TMEM178B: variants seen among roughly 807,000 people sequenced by gnomAD.
TMEM178B encodes transmembrane protein 178B.
Under a neutral mutation model 31.0 loss-of-function variants are expected in TMEM178B, and 5 were observed. The observed-to-expected ratio is 0.16, with a 90% CI of 0.08 to 0.34. TMEM178B has a LOEUF of 0.34. TMEM178B is among the 10% of genes least tolerant of loss of function. The pLI is 1.00. For synonymous variants in TMEM178B, 164 were observed against 164.0 expected, an observed-to-expected ratio of 1.00 and a Z score of 0.00; for missense variants, 275 against 400.3, an observed-to-expected ratio of 0.69 and a Z score of 2.67.
intron 1 of TMEM178B, among the ~76,000 whole-genome samples, chr7:141,126,278 C>T (rs1383064100): frequency 1.3e-5 from 2 of 152,050 alleles, no homozygotes; most frequent in East Asian, 1.9e-4. Flanking sequence ...TCCTGGCATG[C>T]TGGGATAGAG....
At chr7:141,136,701 A>G (rs1323135153) in intron 1 of TMEM178B, among the ~76,000 whole-genome samples, 1 of 152,218 alleles carries the variant, frequency 6.6e-6, no homozygotes, top group East Asian at 1.9e-4. Flanking sequence ...AAAAAGCCCA[A>G]TCCCATTAAA....
At chr7:141,129,635 A>C (rs1482359093) in intron 1 of TMEM178B, among the ~76,000 whole-genome samples, 3 of 152,218 alleles carry the variant, frequency 2.0e-5, no homozygotes, top group Non-Finnish European at 4.4e-5. Context: ...GAAAAGAGTC[A>C]AACTCTTAAA....
intron 2 of TMEM178B, among the ~76,000 whole-genome samples, chr7:141,299,267 C>A (rs920167276): frequency 2.0e-5 from 3 of 152,106 alleles, no homozygotes; most frequent in African/African-American, 4.8e-5. Context: ...AACTCCGCAT[C>A]CTAGGTGCAA....
At chr7:141,409,774 T>C (rs754084976) in intron 2 of TMEM178B, among the ~76,000 whole-genome samples, 14 of 151,896 alleles carry the variant, frequency 9.2e-5, no homozygotes, top group Non-Finnish European at 1.6e-4. Context: ...ATGCACTTGA[T>C]ATTCCATCAG....
intron 2 of TMEM178B, among the ~76,000 whole-genome samples, chr7:141,423,305 A>T (rs1801248123): frequency 6.6e-6 from 1 of 152,236 alleles, no homozygotes; most frequent in African/African-American, 2.4e-5. Flanking sequence ...CTGGGATTAC[A>T]GGCGTGAGCC....
rs144636341 is a variant in TMEM178B at position 141,291,637 on chromosome 7, C to A, written c.496+78933C>A. 2.6e-3 allele frequency among the ~76,000 whole-genome samples: 393 copies of A among 152,140 alleles called. 4 individuals carry two copies. The highest frequency in any genetic ancestry group is 9.0e-3 in the African/African-American group (374 of 41,482). ...GAGGTGAGAACACCTTACTCCTTCC[C>A]CATCCACCAAGACAGTAGCAAGAAC... On this transcript the variant is annotated intron_variant, in intron 2 of 3. Coordinates refer to ENST00000565468, the MANE Select transcript of TMEM178B (RefSeq NM_001195278.2).
chr7:141,417,541 G>A (rs1181726), intron 2 of TMEM178B, among the ~76,000 whole-genome samples: 5,695 of 152,254 alleles, frequency 0.037, 368 homozygotes, highest in African/African-American at 0.13. Flanking sequence ...TCCCACCCAC[G>A]GTGATGCTAC....
At chr7:141,150,254 C>T (rs976330485) in intron 1 of TMEM178B, among the ~76,000 whole-genome samples, 4 of 152,100 alleles carry the variant, frequency 2.6e-5, no homozygotes, top group African/African-American at 9.7e-5. Flanking sequence ...CAACCCTGAA[C>T]GGCCTTGAAA....
At chr7:141,277,685 G>A (rs1798288248) in intron 2 of TMEM178B, among the ~76,000 whole-genome samples, 1 of 152,022 alleles carries the variant, frequency 6.6e-6, no homozygotes, top group Non-Finnish European at 1.5e-5. Context: ...GCTCACTGTT[G>A]GCTGAAATGT....
At chr7:141,406,209 C>G (rs1440629884) in intron 2 of TMEM178B, among the ~76,000 whole-genome samples, 3 of 152,208 alleles carry the variant, frequency 2.0e-5, no homozygotes, top group Admixed American at 1.3e-4. Context: ...TATTTCTGTT[C>G]TTTCCTTTCT....
At chr7:141,159,106 C>T (rs1400867519) in intron 1 of TMEM178B, among the ~76,000 whole-genome samples, 2 of 152,200 alleles carry the variant, frequency 1.3e-5, no homozygotes, top group East Asian at 3.9e-4. Flanking sequence ...TTCCCAACCT[C>T]TCCTGCCTGC....
chr7:141,092,638 G>T (rs1794898776), intron 1 of TMEM178B, among the ~76,000 whole-genome samples: 1 of 152,096 alleles, frequency 6.6e-6, no homozygotes, highest in African/African-American at 2.4e-5. Flanking sequence ...CACTAAATAG[G>T]CAAAATCTTT....
intron 2 of TMEM178B, among the ~76,000 whole-genome samples, chr7:141,248,075 G>C (rs535973598): frequency 4.2e-4 from 63 of 151,576 alleles, no homozygotes; most frequent in African/African-American, 1.4e-3. Context: ...CATTCTGCAA[G>C]TTGTTTCTTA....
chr7:141,119,001 G>T lies in TMEM178B; in HGVS notation c.382+44309G>T, dbSNP rs577702841. Among the ~76,000 whole-genome samples the T allele has an allele frequency of 2.2e-3, 331 of 152,278 alleles. 4 individuals carry two copies. Among genetic ancestry groups the T allele is most frequent in the African/African-American group, 7.6e-3 (314 of 41,532 alleles). ...ACGCGTGGCTCTCTTAAGACATTTT[G>T]CTGAGTCAGGCAGGCCTTGTATTAG... On this transcript the variant is annotated intron_variant, in intron 1 of 3. Coordinates refer to ENST00000565468, the MANE Select transcript of TMEM178B (RefSeq NM_001195278.2).
At chr7:141,338,954 C>A (rs540860001) in intron 2 of TMEM178B, among the ~76,000 whole-genome samples, 1 of 152,316 alleles carries the variant, frequency 6.6e-6, no homozygotes, top group East Asian at 1.9e-4. Context: ...CTAGAGCTGC[C>A]TATTAAAATG....
At chr7:141,102,466 T>C (rs1187930064) in intron 1 of TMEM178B, among the ~76,000 whole-genome samples, 1 of 152,168 alleles carries the variant, frequency 6.6e-6, no homozygotes, top group African/African-American at 2.4e-5. Flanking sequence ...GGGTTGGTGT[T>C]CAACATGTTT....
intron 1 of TMEM178B, among the ~76,000 whole-genome samples, chr7:141,118,876 T>C (rs1420810775): frequency 6.6e-6 from 1 of 152,186 alleles, no homozygotes; most frequent in East Asian, 1.9e-4. Context: ...AAAATCTTAC[T>C]TCCTAGCAAA....
the TMEM178B span, among the ~76,000 whole-genome samples, chr7:141,486,908 G>T: frequency 6.6e-6 from 1 of 152,096 alleles, no homozygotes; most frequent in African/African-American, 2.4e-5. Flanking sequence ...GGTGCTAAGC[G>T]TGTGGTTTTA....
intron 2 of TMEM178B, among the ~76,000 whole-genome samples, chr7:141,284,065 G>A (rs1798405739): frequency 1.3e-5 from 2 of 152,218 alleles, no homozygotes; most frequent in Non-Finnish European, 2.9e-5. Context: ...AAGGCTTGGT[G>A]TTCTGGGCAC....
Sources: allele counts gnomAD v4.1 joint callset (sites outside exome capture counted in the v4.1 genomes callset), GRCh38; gene constraint gnomAD v4.1.1; transcripts MANE v1.5; gene names NCBI Gene and HGNC (gene_info 2026-07-23, HGNC 2026-07-21).